TPRG1: variants seen among roughly 807,000 people sequenced by gnomAD.
TPRG1 encodes the protein tumor protein p63 regulated 1.
TPRG1 carries 29 observed loss-of-function variants against 29.3 expected under a neutral mutation model. The observed-to-expected ratio is 0.99, with a 90% CI of 0.74 to 1.35. The LOEUF (loss-of-function observed/expected upper bound fraction) is 1.35. TPRG1 is among the 40% of genes most tolerant of loss of function. TPRG1 has a pLI of 0.00. For synonymous variants in TPRG1, 130 were observed against 116.8 expected, an observed-to-expected ratio of 1.11 and a Z score of -0.73; for missense variants, 327 against 335.0, an observed-to-expected ratio of 0.98 and a Z score of 0.19.
At chr3:189,057,024 C>A (rs557618378) in intron 4 of TPRG1, among the ~76,000 whole-genome samples, 9 of 152,204 alleles carry the variant, frequency 5.9e-5, no homozygotes, top group African/African-American at 9.7e-5. Flanking sequence ...ATTAATCACT[C>A]TTGCTTCCCC....
intron 4 of TPRG1, chr3:189,267,655 C>T (rs1714350386): frequency 6.6e-6 from 1 of 151,170 alleles, no homozygotes; most frequent in Non-Finnish European, 1.5e-5. Context: ...CATGACTAGT[C>T]TCCTGGGTGA....
intron 3 of TPRG1, among the ~76,000 whole-genome samples, chr3:189,215,668 C>A (rs942567479): frequency 1.1e-4 from 16 of 152,086 alleles, no homozygotes; most frequent in Non-Finnish European, 1.6e-4. Flanking sequence ...ATATTGGCTT[C>A]CTAATTCTCT....
At chr3:189,188,577 T>G (rs1029377777) in intron 1 of TPRG1, among the ~76,000 whole-genome samples, 1 of 152,190 alleles carries the variant, frequency 6.6e-6, no homozygotes, top group African/African-American at 2.4e-5. Flanking sequence ...AGACTAGAAT[T>G]TCTGCCAAGC....
chr3:189,231,943 T>TGTGTGTGTG (rs1738717835), intron 3 of TPRG1, among the ~76,000 whole-genome samples: 1 of 147,588 alleles, frequency 6.8e-6, no homozygotes, highest in African/African-American at 2.5e-5. Context: ...CAAACCTGGT[T>TGTGTGTGTG]TGTGTGTGTG....
rs557842709 is a variant in TPRG1 at position 189,226,395 on chromosome 3, G to A, written c.302+11012G>A. Among the ~76,000 whole-genome samples, 11 of 152,102 alleles carry A rather than the reference G, an allele frequency of 7.2e-5. No individual in the cohort carries two copies. The South Asian group carries it at 2.3e-3, about 32-fold the overall frequency. On this transcript the variant is annotated intron_variant, in intron 3 of 5. Coordinates refer to ENST00000345063, the MANE Select transcript of TPRG1 (RefSeq NM_198485.4). ...AAAATAGAAAAATGTCCAAACACTC[G>A]GAAATTAAACATACTTCTAAATAAT...
At chr3:189,191,073 C>A in intron 1 of TPRG1, 1 of 558,870 alleles carries the variant, frequency 1.8e-6, no homozygotes, top group Non-Finnish European at 2.3e-6. Flanking sequence ...GCAGTTCACA[C>A]GTAAATATAC....
At chr3:189,088,111 G>C (rs1718082646) in intron 4 of TPRG1, among the ~76,000 whole-genome samples, 1 of 152,154 alleles carries the variant, frequency 6.6e-6, no homozygotes, top group Non-Finnish European at 1.5e-5. Flanking sequence ...CCATTTTCAT[G>C]ATATTGATTC....
chr3:189,083,841 C>G (rs978116076), intron 4 of TPRG1, among the ~76,000 whole-genome samples: 19 of 132,826 alleles, frequency 1.4e-4, no homozygotes, highest in Admixed American at 1.3e-3. Context: ...TCAGCTTCTT[C>G]ATAGGAACAC....
At chr3:189,166,264 A>C (rs1272458364) in intron 5 of TPRG1, among the ~76,000 whole-genome samples, 1 of 152,246 alleles carries the variant, frequency 6.6e-6, no homozygotes, top group Admixed American at 6.5e-5. Context: ...CCTATGGTCC[A>C]AACTCAAGTT....
At chr3:189,098,036 C>T (rs780607065), upstream of TPRG1, among the ~76,000 whole-genome samples, 2 of 152,194 alleles carry the variant, frequency 1.3e-5, no homozygotes, top group Non-Finnish European at 2.9e-5. Context: ...TTTCTGCAAT[C>T]TCATTCTGCC....
rs112999059 is a variant in TPRG1, at chr3:189,125,533, A to G, written c.-743-1524A>G. On this transcript the variant is annotated intron_variant, in intron 1 of 6. Transcript: ENST00000412373. ...TCCACCCCACCCCTTTTGAGGTCCA[A>G]AAAGGTAGGAGATTGGCAAAGAAAT... is the stretch of plus-strand genomic sequence containing the variant. Among the ~76,000 whole-genome samples the G allele has an allele frequency of 7.1e-3, 1,075 of 152,244 alleles. 6 individuals carry two copies. The highest frequency in any genetic ancestry group is 0.02 in the Middle Eastern group (6 of 294).
chr3:189,308,235 C>A (rs1721919822), intron 4 of TPRG1, among the ~76,000 whole-genome samples: 2 of 152,156 alleles, frequency 1.3e-5, no homozygotes, highest in South Asian at 4.1e-4. Flanking sequence ...CATAGTCACG[C>A]AATGTTAAGT....
chr3:189,133,611 T>C (rs1723366107), intron 3 of TPRG1, among the ~76,000 whole-genome samples: 1 of 152,146 alleles, frequency 6.6e-6, no homozygotes, highest in African/African-American at 2.4e-5. Flanking sequence ...TCTGCCATGA[T>C]TGTGAGTTCC....
exon 3 of TPRG1, chr3:189,132,672 C>T (rs1723232252): frequency 6.6e-6 from 1 of 152,186 alleles, no homozygotes; most frequent in Admixed American, 6.5e-5. Flanking sequence ...CAACTTAGGC[C>T]ACTGAACTGT....
chr3:189,239,868 T>C (rs1251173185), intron 4 of TPRG1, among the ~76,000 whole-genome samples: 1 of 152,184 alleles, frequency 6.6e-6, no homozygotes. Context: ...CAGAGGAGAA[T>C]GCTGAATTAG....
At chr3:189,291,706 ATG>A (rs1719032473) in intron 4 of TPRG1, among the ~76,000 whole-genome samples, 2 of 152,212 alleles carry the variant, frequency 1.3e-5, no homozygotes, top group South Asian at 4.1e-4. Flanking sequence ...CTTGCCAACT[ATG>A]TTTTATTTGC....
intron 4 of TPRG1, among the ~76,000 whole-genome samples, chr3:189,061,084 G>C (rs999968954): frequency 6.6e-6 from 1 of 152,200 alleles, no homozygotes; most frequent in African/African-American, 2.4e-5. Context: ...CATGATACTG[G>C]TATGAAAATA....
rs575492487 is a variant in TPRG1, at chr3:189,112,201, C to T, written c.-744+11997C>T. Among the ~76,000 whole-genome samples, 3 of 152,162 alleles carry T rather than the reference C, an allele frequency of 2.0e-5. 1 individual carries two copies. In the South Asian group the frequency reaches 6.2e-4, roughly 32 times the overall value. ...TTTATAGGCTATTGAATTTTATTTG[C>T]TAGTACTTTGTAAGAATTTTTGCAT... On this transcript the variant is annotated intron_variant, in intron 1 of 6. Coordinates refer to the TPRG1 transcript ENST00000412373.
intron 4 of TPRG1, among the ~76,000 whole-genome samples, chr3:189,024,357 G>A (rs1429503863): frequency 2.0e-5 from 3 of 152,194 alleles, no homozygotes; most frequent in African/African-American, 7.2e-5. Context: ...CTCTAGGCTG[G>A]AACAGCCAAG....
Sources: gnomAD v4.1 joint callset for allele counts (sites outside exome capture counted in the v4.1 genomes callset) on GRCh38, gnomAD v4.1.1 for gene constraint, MANE v1.5 for transcripts, NCBI Gene and HGNC (gene_info 2026-07-23, HGNC 2026-07-21) for gene names.